NIBAN2: variants seen among roughly 807,000 people sequenced by gnomAD.
The protein encoded by NIBAN2 is niban apoptosis regulator 2.
Under a neutral mutation model 81.8 loss-of-function variants are expected in NIBAN2, and 36 were observed. The ratio of observed to expected loss-of-function variants is 0.44; its 90% CI spans 0.34 to 0.58. The LOEUF (loss-of-function observed/expected upper bound fraction) is 0.58. Among genes scored for constraint, NIBAN2 ranks in the 20% least tolerant of loss-of-function variants. NIBAN2 has a pLI of 0.02. For missense variants in NIBAN2, 897 were observed against 1,014.1 expected (o/e 0.88, Z 1.57); for synonymous variants, 445 against 441.6 (o/e 1.01, Z -0.10).
chr9:127,530,005 G>A (rs537342018), intron 2 of NIBAN2, among the ~76,000 whole-genome samples: 3 of 152,276 alleles, frequency 2.0e-5, no homozygotes, highest in South Asian at 2.1e-4. Flanking sequence ...AATGCTTCAC[G>A]CCCTCAGCCA....
chr9:127,562,655 A>G (rs991835953), intron 1 of NIBAN2, among the ~76,000 whole-genome samples: 3 of 152,202 alleles, frequency 2.0e-5, no homozygotes, highest in African/African-American at 7.2e-5. Context: ...CTAAATGCCC[A>G]GGTTGGCGGA....
chr9:127,555,568 T>C (rs1406448778), intron 1 of NIBAN2, among the ~76,000 whole-genome samples: 1 of 152,056 alleles, frequency 6.6e-6, no homozygotes, highest in East Asian at 1.9e-4. Context: ...TCCCAGCACT[T>C]TGGGAGGCCA....
chr9:127,519,412 A>C (rs1000299488), intron 5 of NIBAN2, among the ~76,000 whole-genome samples: 1 of 152,180 alleles, frequency 6.6e-6, no homozygotes, highest in Non-Finnish European at 1.5e-5. Context: ...GCCAGGCAGC[A>C]GGCAGACTCC....
At chr9:127,552,461 C>T (rs989488448) in intron 1 of NIBAN2, among the ~76,000 whole-genome samples, 1 of 151,988 alleles carries the variant, frequency 6.6e-6, no homozygotes, top group Non-Finnish European at 1.5e-5. Flanking sequence ...CCTGTAGTCC[C>T]AGCTACTTGG....
Position 127,508,351 on chromosome 9 carries a change from G to T in NIBAN2, c.1434+71C>A. 5 of 1,418,802 alleles carry T rather than the reference G, an allele frequency of 3.5e-6. No individual in the cohort carries two copies. The highest frequency in any genetic ancestry group is 4.9e-6 in the Non-Finnish European group (5 of 1,013,192). The allele number at this position is 1,418,802 out of a possible 1,614,324, so 87.9% of individuals were successfully genotyped here. ...TCCTTGCAGGGACAGCAATCCTGGT[G>T]GTGGCCGGGGATGAGGCTCGGGGCT... is the stretch of plus-strand genomic sequence containing the variant. On this transcript the variant is annotated intron_variant, in intron 11 of 13. Coordinates refer to ENST00000373312, the MANE Select transcript of NIBAN2 (RefSeq NM_022833.4). This position sits in a 1 kb window ranked among gnomAD's most constrained non-coding sequence, Gnocchi z 6.4.
At position 127,508,914 on chromosome 9, in the gene NIBAN2, C is replaced by A; in HGVS notation, c.1317+62G>T. On this transcript the variant is annotated intron_variant, in intron 10 of 13. Transcript: ENST00000373312. The surrounding 1 kb of genome is among the most constrained non-coding windows in gnomAD (Gnocchi z 6.4). ...GACGGAGCAGAAGGGACCCCCTGGG[C>A]GAGGGGGCCTGTGGAAGGCAGTGGA... The A allele has an allele frequency of 6.3e-7, 1 of 1,587,396 alleles. No individual in the cohort carries two copies. The highest frequency in any genetic ancestry group is 8.6e-7 in the Non-Finnish European group (1 of 1,159,002).
At position 127,525,760 on chromosome 9, in the gene NIBAN2, C is replaced by T. The variant is rs567074431; in HGVS notation, c.316-597G>A. On this transcript the variant is annotated intron_variant, in intron 3 of 13. Coordinates refer to ENST00000373312, the MANE Select transcript of NIBAN2 (RefSeq NM_022833.4). ...TTCCCAATTCAAAAGGTGGATCACCCCCAACTTCACACAGTTGGGAAGTAG... is the reference window on the plus strand; with the variant it reads ...TTCCCAATTCAAAAGGTGGATCACCTCCAACTTCACACAGTTGGGAAGTAG... Among the ~76,000 whole-genome samples the T allele has an allele frequency of 4.6e-5, 7 of 152,320 alleles. No homozygotes were observed. In the South Asian group the frequency reaches 1.2e-3, roughly 27 times the overall value.
At chr9:127,540,411 C>A (rs1012790990) in intron 1 of NIBAN2, among the ~76,000 whole-genome samples, 12 of 152,270 alleles carry the variant, frequency 7.9e-5, no homozygotes, top group Admixed American at 5.9e-4. Flanking sequence ...AAAGGCGTAT[C>A]CCGGAGGGCC....
At chr9:127,552,615 A>AACTGCCTG (rs1351435634) in intron 1 of NIBAN2, among the ~76,000 whole-genome samples, 12 of 152,040 alleles carry the variant, frequency 7.9e-5, no homozygotes, top group Non-Finnish European at 1.3e-4. Context: ...GAAAAAGCCT[A>AACTGCCTG]ACTGCCTGGC....
At chr9:127,535,149 G>T (rs1442469272) in intron 1 of NIBAN2, among the ~76,000 whole-genome samples, 2 of 152,230 alleles carry the variant, frequency 1.3e-5, no homozygotes. Flanking sequence ...AGGGCCCCCA[G>T]CCAGCCCCAG....
At position 127,509,128 on chromosome 9, in the gene NIBAN2, T is replaced by C. The variant is rs376859514; in HGVS notation, c.1165A>G (p.Met389Val). 3.0e-5 allele frequency: 48 copies of C among 1,610,464 alleles called. No homozygotes were observed. Among genetic ancestry groups the C allele is most frequent in the Non-Finnish European group, 3.8e-5 (45 of 1,179,502 alleles). The change falls in exon 10 of 14, where the codon ATG becomes GTG. Residue 389 changes from methionine to valine, a missense_variant. Coordinates refer to ENST00000373312, the MANE Select transcript of NIBAN2 (RefSeq NM_022833.4). The part of the protein sequence containing the change: ...EGGIDKLGEY[M>V]EKLSRLAYHP... ...TACGCCAGCCGGGACAGCTTCTCCA[T>C]GTACTGCAGGGGCCGGGGCCGCGGG...
At chr9:127,510,104 T>C (rs1836705334) in intron 9 of NIBAN2, 42 bp downstream of exon 9, 1 of 1,566,200 alleles carries the variant, frequency 6.4e-7, no homozygotes, top group Non-Finnish European at 8.7e-7. Context: ...AGACCAGACC[T>C]ACTCTCAGGA....
chr9:127,529,121 AATATTTTAGACTCTGCGAAGC>A (rs1210274195), intron 2 of NIBAN2, among the ~76,000 whole-genome samples: 2 of 152,202 alleles, frequency 1.3e-5, no homozygotes, highest in African/African-American at 4.8e-5. Context: ...GCCCAGGCAA[AATATTTTAGACTCTGCGAAGC>A]TCTCCAATGC....
intron 5 of NIBAN2, among the ~76,000 whole-genome samples, chr9:127,522,641 C>T (rs1017107073): frequency 2.6e-5 from 4 of 152,096 alleles, no homozygotes; most frequent in African/African-American, 9.7e-5. Flanking sequence ...AGTTCCTCCT[C>T]CGGGCCTACC....
intron 1 of NIBAN2, among the ~76,000 whole-genome samples, chr9:127,555,499 C>G (rs764286729): frequency 1.4e-4 from 22 of 152,340 alleles, no homozygotes; most frequent in Non-Finnish European, 2.6e-4. Flanking sequence ...GGGCCAGCGG[C>G]GGACCCTGGG....
intron 1 of NIBAN2, among the ~76,000 whole-genome samples, chr9:127,562,247 T>C (rs1285617624): frequency 6.6e-6 from 1 of 152,154 alleles, no homozygotes; most frequent in Non-Finnish European, 1.5e-5. Context: ...CCTTTTTCAG[T>C]GTCCCCCTGC....
At chr9:127,555,697 G>C (rs932016554) in intron 1 of NIBAN2, among the ~76,000 whole-genome samples, 1 of 152,246 alleles carries the variant, frequency 6.6e-6, no homozygotes, top group Admixed American at 6.5e-5. Flanking sequence ...TCAGTGGGCT[G>C]TGTTTCCTCC....
intron 2 of NIBAN2, among the ~76,000 whole-genome samples, chr9:127,530,792 C>G (rs567017658): frequency 6.6e-6 from 1 of 152,288 alleles, no homozygotes; most frequent in South Asian, 2.1e-4. Context: ...TCTAGAGCCC[C>G]AGCTCTGATG....
At chr9:127,511,603 G>T (rs779115747) in intron 8 of NIBAN2, among the ~76,000 whole-genome samples, 31 of 152,146 alleles carry the variant, frequency 2.0e-4, no homozygotes, top group Non-Finnish European at 3.7e-4. Flanking sequence ...AAATGACAAG[G>T]TGTTCTGAGA....
Sources: allele counts gnomAD v4.1 joint callset (sites outside exome capture counted in the v4.1 genomes callset), GRCh38; gene constraint gnomAD v4.1.1; non-coding constraint Gnocchi (gnomAD v3.1); transcripts MANE v1.5; gene names NCBI Gene and HGNC (gene_info 2026-07-23, HGNC 2026-07-21).